ELMO1: variants seen among roughly 807,000 people sequenced by gnomAD.
ELMO1 encodes the protein engulfment and cell motility 1, also known as engulfment and cell motility protein 1.
In ELMO1, 26 loss-of-function variants were observed where a neutral mutation model predicts 98.9. That is an observed-to-expected ratio of 0.26 (90% CI 0.19 to 0.36). The LOEUF (loss-of-function observed/expected upper bound fraction) is 0.36, where lower values mean the gene tolerates loss of function less well. ELMO1 is among the 10% of genes least tolerant of loss of function. The pLI is 1.00. For synonymous variants in ELMO1, 346 were observed against 346.0 expected, an observed-to-expected ratio of 1.00 and a Z score of 0.00; for missense variants, 627 against 935.2, an observed-to-expected ratio of 0.67 and a Z score of 4.30.
intron 15 of ELMO1, among the ~76,000 whole-genome samples, chr7:37,036,956 T>C (rs969183432): frequency 5.3e-5 from 8 of 152,206 alleles, no homozygotes; most frequent in African/African-American, 1.9e-4. Context: ...AAGCTTGAGT[T>C]CATAGAAATC....
At chr7:36,927,251 T>C (rs1053220166) in intron 16 of ELMO1, among the ~76,000 whole-genome samples, 2 of 152,122 alleles carry the variant, frequency 1.3e-5, no homozygotes, top group African/African-American at 2.4e-5. Flanking sequence ...ATGCTATCCC[T>C]GCCTCAAGAG....
intron 14 of ELMO1, among the ~76,000 whole-genome samples, chr7:37,125,974 ATG>A (rs746892138): frequency 1.1e-3 from 168 of 152,348 alleles, no homozygotes; most frequent in Non-Finnish European, 2.1e-3. Flanking sequence ...GCCATAAAAA[ATG>A]ATGAGGTCAT....
intron 1 of ELMO1, among the ~76,000 whole-genome samples, chr7:37,358,712 T>A (rs549689347): frequency 9.2e-5 from 14 of 151,844 alleles, no homozygotes; most frequent in Non-Finnish European, 1.8e-4. Flanking sequence ...AGAGGAAATA[T>A]GGGGAAAAAA....
At chr7:36,921,571 T>C (rs554637507) in intron 16 of ELMO1, among the ~76,000 whole-genome samples, 5 of 152,310 alleles carry the variant, frequency 3.3e-5, no homozygotes, top group African/African-American at 1.2e-4. Flanking sequence ...AGTTTGTGAT[T>C]TCCTTGACAG....
At chr7:36,988,224 AG>A (rs1300508136) in intron 16 of ELMO1, among the ~76,000 whole-genome samples, 4 of 152,168 alleles carry the variant, frequency 2.6e-5, no homozygotes, top group Non-Finnish European at 5.9e-5. Context: ...ATTCACCCTC[AG>A]GGTGGTGGAT....
intron 18 of ELMO1, among the ~76,000 whole-genome samples, chr7:36,879,904 A>G (rs879802412): frequency 1.7e-4 from 26 of 152,188 alleles, no homozygotes; most frequent in Non-Finnish European, 2.9e-4. Context: ...AATTAGGCAA[A>G]TGTGTACTTA....
chr7:37,399,274 C>T (rs1320886696), intron 1 of ELMO1, among the ~76,000 whole-genome samples: 8 of 152,324 alleles, frequency 5.3e-5, no homozygotes, highest in South Asian at 4.1e-4. Flanking sequence ...AAATCTCTCC[C>T]GGGACTGGAG....
At chr7:36,883,807 C>T (rs750660794) in intron 18 of ELMO1, among the ~76,000 whole-genome samples, 57 of 152,170 alleles carry the variant, frequency 3.7e-4, no homozygotes, top group South Asian at 3.3e-3. Flanking sequence ...TATAGTAATG[C>T]GAGAATGGAC....
intron 2 of ELMO1, among the ~76,000 whole-genome samples, chr7:37,329,990 AGTACAACTAACCAC>A (rs960307253): frequency 5.3e-5 from 8 of 152,322 alleles, no homozygotes; most frequent in African/African-American, 1.7e-4. Flanking sequence ...ACCTTCTAAA[AGTACAACTAACCAC>A]GTCACTCCCC....
intron 19 of ELMO1, among the ~76,000 whole-genome samples, chr7:36,871,569 A>T (rs1803508399): frequency 1.3e-5 from 2 of 152,158 alleles, no homozygotes; most frequent in South Asian, 4.1e-4. Flanking sequence ...AGAATTTGGG[A>T]TGTGTGAGAA....
chr7:36,871,370 TACAA>T (rs892160288), intron 19 of ELMO1, among the ~76,000 whole-genome samples: 5 of 152,148 alleles, frequency 3.3e-5, no homozygotes, highest in African/African-American at 7.2e-5. Context: ...ACCCTGTCTC[TACAA>T]ACAATGAAAT....
chr7:37,224,732 G>A, intron 9 of ELMO1, 147 bp downstream of exon 9: 1 of 1,167,026 alleles, frequency 8.6e-7, no homozygotes, highest in African/African-American at 1.5e-5. Context: ...CCATTCCAGT[G>A]TGACACGTGG....
chr7:36,903,948 G>T (rs1192822569), intron 16 of ELMO1, among the ~76,000 whole-genome samples: 1 of 152,232 alleles, frequency 6.6e-6, no homozygotes, highest in Non-Finnish European at 1.5e-5. Flanking sequence ...CAGCCTGCTT[G>T]GGCGGGTCCC....
At chr7:37,081,410 A>C (rs1021085016) in intron 15 of ELMO1, among the ~76,000 whole-genome samples, 1 of 152,248 alleles carries the variant, frequency 6.6e-6, no homozygotes, top group African/African-American at 2.4e-5. Context: ...TTTTTATAAT[A>C]AAATCACCTA....
At chr7:37,286,246 G>A (rs777461567) in intron 4 of ELMO1, among the ~76,000 whole-genome samples, 1 of 152,168 alleles carries the variant, frequency 6.6e-6, no homozygotes, top group Non-Finnish European at 1.5e-5. Context: ...TAGGGATGGA[G>A]GAGTGGCCAA....
intron 1 of ELMO1, among the ~76,000 whole-genome samples, chr7:37,347,070 C>A (rs889418128): frequency 7.9e-5 from 12 of 152,124 alleles, no homozygotes; most frequent in Admixed American, 3.3e-4. Flanking sequence ...TAACAAACCA[C>A]GAGAGAAAGG....
At chr7:37,387,567 G>A (rs909783225) in intron 1 of ELMO1, among the ~76,000 whole-genome samples, 5 of 152,042 alleles carry the variant, frequency 3.3e-5, no homozygotes, top group African/African-American at 1.2e-4. Context: ...ACATTCTAAG[G>A]GCCTGGGGGG....
chr7:37,256,443 A>C (rs1795645813), intron 6 of ELMO1, among the ~76,000 whole-genome samples: 1 of 151,498 alleles, frequency 6.6e-6, no homozygotes, highest in Admixed American at 6.6e-5. Flanking sequence ...TGAGAAAAAA[A>C]ATGTTTTCAC....
chr7:36,999,139 G>T lies in ELMO1; in HGVS notation c.1437+14160C>A, dbSNP rs540491411. Among the ~76,000 whole-genome samples, 281 of 152,226 alleles carry T rather than the reference G, an allele frequency of 1.8e-3. 2 individuals are homozygous for T. The highest frequency in any genetic ancestry group is 6.4e-3 in the African/African-American group (264 of 41,548). On this transcript the variant is annotated intron_variant, in intron 16 of 21. Coordinates refer to ENST00000310758, the MANE Select transcript of ELMO1 (RefSeq NM_014800.11). ...CTAGGAGGGAGGGTGGTGAGTGCAG[G>T]ATAGGAGAAAAGCCCCGGGTCACGC... is the stretch of plus-strand genomic sequence containing the variant.
Sources: gnomAD v4.1 joint callset for allele counts (sites outside exome capture counted in the v4.1 genomes callset) on GRCh38, gnomAD v4.1.1 for gene constraint, MANE v1.5 for transcripts, NCBI Gene and HGNC (gene_info 2026-07-23, HGNC 2026-07-21) for gene names.